Variants in RPSA2 observed in about 807,000 individuals in gnomAD.
The protein encoded by RPSA2 is ribosomal protein SA 2.
chr19:23,762,370 A>G, the RPSA2 span, among the ~76,000 whole-genome samples: 1 of 151,938 alleles, frequency 6.6e-6, no homozygotes, highest in African/African-American at 2.4e-5. Flanking sequence ...CGCATTATGA[A>G]AATGATTAAA....
At chr19:23,849,104 G>T in the RPSA2 span, among the ~76,000 whole-genome samples, 10 of 152,232 alleles carry the variant, frequency 6.6e-5, no homozygotes, top group Non-Finnish European at 1.2e-4. Context: ...TAATACAAGT[G>T]TATAAATGAC....
chr19:23,805,034 A>ACAGTGTGGCTTAGGTAAGGACAGGG, the RPSA2 span, among the ~76,000 whole-genome samples: 1 of 152,120 alleles, frequency 6.6e-6, no homozygotes. Flanking sequence ...TAAGGACAGG[A>ACAGTGTGGCTTAGGTAAGGACAGGG]CAGTGTGGCC....
chr19:23,852,360 AC>A, the RPSA2 span, among the ~76,000 whole-genome samples: 2 of 152,078 alleles, frequency 1.3e-5, no homozygotes, highest in African/African-American at 4.8e-5. Flanking sequence ...ACACACACAC[AC>A]ACACAAATAT....
the RPSA2 span, among the ~76,000 whole-genome samples, chr19:23,835,149 T>G: frequency 2.0e-5 from 3 of 152,042 alleles, no homozygotes; most frequent in Admixed American, 2.0e-4. Context: ...ATAATACAAA[T>G]TATATACAAA....
chr19:23,781,545 G>T, the RPSA2 span, among the ~76,000 whole-genome samples: 1 of 151,276 alleles, frequency 6.6e-6, no homozygotes, highest in African/African-American at 2.4e-5. Flanking sequence ...CACCATGTTG[G>T]TCAGGCTGGT....
At chr19:23,859,144 A>G in the RPSA2 span, among the ~76,000 whole-genome samples, 15 of 152,180 alleles carry the variant, frequency 9.9e-5, no homozygotes, top group African/African-American at 3.4e-4. Context: ...TTATGTTAAA[A>G]CTAATTAATT....
At chr19:23,814,933 C>T in the RPSA2 span, among the ~76,000 whole-genome samples, 1 of 152,276 alleles carries the variant, frequency 6.6e-6, no homozygotes, top group African/African-American at 2.4e-5. Context: ...GCAGCCTCAA[C>T]CTACCAGGTT....
the RPSA2 span, among the ~76,000 whole-genome samples, chr19:23,826,063 TTAAA>T: frequency 1.3e-5 from 2 of 151,578 alleles, no homozygotes; most frequent in Non-Finnish European, 2.9e-5. Context: ...CAAAATATTT[TTAAA>T]TATTTAGTCA....
At chr19:23,786,092 A>T in the RPSA2 span, among the ~76,000 whole-genome samples, 2 of 152,220 alleles carry the variant, frequency 1.3e-5, no homozygotes, top group East Asian at 3.8e-4. Context: ...TTCTAAATCC[A>T]GTACTTTAGC....
the RPSA2 span, among the ~76,000 whole-genome samples, chr19:23,781,638 C>T: frequency 5.5e-4 from 83 of 152,262 alleles, no homozygotes; most frequent in East Asian, 0.013. Context: ...CATGCCCAGC[C>T]TAAGGCACAT....
chr19:23,847,048 CT>C, the RPSA2 span, among the ~76,000 whole-genome samples: 2 of 151,942 alleles, frequency 1.3e-5, no homozygotes, highest in Non-Finnish European at 2.9e-5. Flanking sequence ...TTTGTTCATT[CT>C]TTTTCATTTC....
At chr19:23,770,000 G>C in the RPSA2 span, among the ~76,000 whole-genome samples, 3 of 152,184 alleles carry the variant, frequency 2.0e-5, no homozygotes, top group Non-Finnish European at 4.4e-5. Context: ...CCAGCACCTA[G>C]GTGATGTGAC....
the RPSA2 span, among the ~76,000 whole-genome samples, chr19:23,825,569 C>T: frequency 1.5e-3 from 226 of 151,944 alleles, 1 homozygote; most frequent in Non-Finnish European, 1.3e-3. Flanking sequence ...TCTAATTCTG[C>T]GTAGATGAGT....
chr19:23,760,822 A>G, the RPSA2 span, among the ~76,000 whole-genome samples: 1 of 150,928 alleles, frequency 6.6e-6, no homozygotes, highest in African/African-American at 2.4e-5. Flanking sequence ...GTGCCACCAC[A>G]CTGGGCTAAT....
the RPSA2 span, among the ~76,000 whole-genome samples, chr19:23,806,423 GTTCT>G: frequency 6.6e-6 from 1 of 151,984 alleles, no homozygotes; most frequent in Non-Finnish European, 1.5e-5. Context: ...TTCCTTCTGT[GTTCT>G]TAATGGCATT....
chr19:23,865,646 AGAG>A, the RPSA2 span, among the ~76,000 whole-genome samples: 41 of 152,254 alleles, frequency 2.7e-4, no homozygotes, highest in South Asian at 8.5e-3. Context: ...AGAAAAAAAG[AGAG>A]GAGAATTGGC....
the RPSA2 span, among the ~76,000 whole-genome samples, chr19:23,870,830 C>A: frequency 2.7e-4 from 41 of 152,120 alleles, no homozygotes; most frequent in Non-Finnish European, 4.6e-4. Flanking sequence ...GGATTGTGAC[C>A]AACACAGCAT....
chr19:23,776,257 C>T, the RPSA2 span, among the ~76,000 whole-genome samples: 1 of 152,264 alleles, frequency 6.6e-6, no homozygotes, highest in East Asian at 1.9e-4. Context: ...GGATTTAACC[C>T]ACAGATGAAT....
At chr19:23,841,545 AT>A in the RPSA2 span, among the ~76,000 whole-genome samples, 1 of 152,220 alleles carries the variant, frequency 6.6e-6, no homozygotes, top group South Asian at 2.1e-4. Context: ...ATCACATTTA[AT>A]CTGAAAGCTC....
Sources: allele counts gnomAD v4.1 joint callset (sites outside exome capture counted in the v4.1 genomes callset), GRCh38; gene constraint gnomAD v4.1.1; transcripts MANE v1.5; gene names NCBI Gene and HGNC (gene_info 2026-07-23, HGNC 2026-07-21).